Variants in FTO observed in about 807,000 individuals in gnomAD.
FTO encodes the protein alpha-ketoglutarate-dependent dioxygenase FTO.
FTO carries 47 observed loss-of-function variants against 63.9 expected under a neutral mutation model. The ratio of observed to expected loss-of-function variants is 0.74; its 90% CI spans 0.58 to 0.94. The LOEUF (loss-of-function observed/expected upper bound fraction) is 0.94, where lower values mean the gene tolerates loss of function less well. Among genes scored for constraint, FTO ranks in the 40% least tolerant of loss-of-function variants. The pLI, the probability that FTO is intolerant of heterozygous loss-of-function variation, is 0.00. For missense variants in FTO, 562 were observed against 618.1 expected (o/e 0.91, Z 0.96); for synonymous variants, 207 against 224.4 (o/e 0.92, Z 0.69).
Position 53,814,468 on chromosome 16 carries a change from C to T in FTO, c.123+4251C>T, listed in dbSNP as rs767634397. 5.9e-5 allele frequency among the ~76,000 whole-genome samples: 9 copies of T among 152,242 alleles called. 1 individual carries two copies. The highest frequency in any genetic ancestry group is 1.3e-4 in the Non-Finnish European group (9 of 68,022). Reference sequence around the variant, plus strand: ...CTATATGCTTCTGAGACAGGTGTTACTAAAACCCTATTTTAGAGATGAGGA... The same window carrying T: ...CTATATGCTTCTGAGACAGGTGTTATTAAAACCCTATTTTAGAGATGAGGA... On this transcript the variant is annotated intron_variant, in intron 2 of 8. Coordinates refer to ENST00000471389, the MANE Select transcript of FTO (RefSeq NM_001080432.3).
chr16:53,997,570 C>T (rs1328996569), intron 8 of FTO, among the ~76,000 whole-genome samples: 65 of 5,268 alleles, frequency 0.012, no homozygotes, highest in Non-Finnish European at 0.018. Flanking sequence ...AAAGAAGGGG[C>T]GGGGCGGGGT....
intron 1 of FTO, among the ~76,000 whole-genome samples, chr16:53,782,042 G>C (rs981746750): frequency 1.3e-5 from 2 of 152,078 alleles, no homozygotes; most frequent in African/African-American, 4.8e-5. Context: ...TTGAGAATCT[G>C]ATGACAGTTA....
chr16:53,907,674 C>T (rs999309391), intron 7 of FTO, among the ~76,000 whole-genome samples: 13 of 152,196 alleles, frequency 8.5e-5, no homozygotes, highest in African/African-American at 2.2e-4. Flanking sequence ...CCTTCACTCC[C>T]TGTATTCCTA....
intron 8 of FTO, among the ~76,000 whole-genome samples, chr16:53,935,014 A>G (rs944405114): frequency 5.9e-5 from 9 of 152,222 alleles, no homozygotes; most frequent in Non-Finnish European, 1.0e-4. Flanking sequence ...TGATGCTTGC[A>G]TAGTAAATAT....
intron 1 of FTO, among the ~76,000 whole-genome samples, chr16:53,768,879 C>T (rs1195033477): frequency 6.6e-6 from 1 of 152,150 alleles, no homozygotes; most frequent in East Asian, 1.9e-4. Flanking sequence ...TGGCTACCAC[C>T]AGTACATGAC....
At chr16:53,972,770 A>C (rs1286148425) in intron 8 of FTO, among the ~76,000 whole-genome samples, 1 of 152,172 alleles carries the variant, frequency 6.6e-6, no homozygotes, top group Non-Finnish European at 1.5e-5. Flanking sequence ...CTTAGGAAGA[A>C]AATGCAAACT....
chr16:53,717,654 T>G (rs1241062911), intron 1 of FTO, among the ~76,000 whole-genome samples: 1 of 152,112 alleles, frequency 6.6e-6, no homozygotes, highest in African/African-American at 2.4e-5. Flanking sequence ...AGATTAACAG[T>G]CATGCATTCT....
intron 8 of FTO, among the ~76,000 whole-genome samples, chr16:53,997,999 C>A (rs1390810264): frequency 6.6e-6 from 1 of 152,126 alleles, no homozygotes; most frequent in African/African-American, 2.4e-5. Context: ...CAAGATGGGG[C>A]CACTGTCTAG....
At chr16:54,103,104 G>A (rs2086673428) in intron 8 of FTO, among the ~76,000 whole-genome samples, 2 of 152,184 alleles carry the variant, frequency 1.3e-5, no homozygotes, top group South Asian at 4.1e-4. Flanking sequence ...AGCTATGACT[G>A]TGCCACTGTG....
intron 8 of FTO, chr16:53,993,325 T>G (rs563828683): frequency 1.3e-5 from 2 of 152,380 alleles, no homozygotes; most frequent in East Asian, 3.9e-4. Flanking sequence ...GTGGCCATAC[T>G]TTTTAATTCT....
chr16:53,869,393 C>T (rs780018408), intron 4 of FTO, among the ~76,000 whole-genome samples: 5 of 151,858 alleles, frequency 3.3e-5, no homozygotes, highest in South Asian at 2.1e-4. Flanking sequence ...CTGAGCTTCC[C>T]GAGTCTCTAG....
intron 8 of FTO, among the ~76,000 whole-genome samples, chr16:54,006,226 T>C (rs2084201065): frequency 6.6e-6 from 1 of 152,344 alleles, no homozygotes; most frequent in Admixed American, 6.5e-5. Flanking sequence ...ATCATCTCCC[T>C]TCTCCCCTTA....
chr16:53,895,374 AGT>A (rs1419226333), intron 7 of FTO, among the ~76,000 whole-genome samples: 9 of 152,304 alleles, frequency 5.9e-5, no homozygotes, highest in African/African-American at 2.2e-4. Context: ...TCAAAAACAC[AGT>A]GTGCTTCGAA....
rs540014418 is a variant in FTO, at chr16:53,988,241, A to G, written c.1364+54132A>G. On this transcript the variant is annotated intron_variant, in intron 8 of 8. Coordinates refer to ENST00000471389, the MANE Select transcript of FTO (RefSeq NM_001080432.3). ...GCATCAATAAAAATATTTTCATATA[A>G]TTCTTCCTTGTAAATATGGTTAAAC... Among the ~76,000 whole-genome samples, 27 of 152,272 alleles carry G rather than the reference A, an allele frequency of 1.8e-4. No individual in the cohort carries two copies. The South Asian group carries it at 5.6e-3, about 32-fold the overall frequency.
intron 8 of FTO, among the ~76,000 whole-genome samples, chr16:54,019,483 G>T (rs1371599122): frequency 6.6e-6 from 1 of 152,178 alleles, no homozygotes; most frequent in Non-Finnish European, 1.5e-5. Flanking sequence ...ATATGCAAAA[G>T]TTGTTGGCAT....
chr16:54,109,455 C>A (rs1316561920), intron 8 of FTO, among the ~76,000 whole-genome samples: 1 of 152,202 alleles, frequency 6.6e-6, no homozygotes, highest in Non-Finnish European at 1.5e-5. Flanking sequence ...CTCAGCCTCC[C>A]AAGTAGCTGG....
intron 6 of FTO, among the ~76,000 whole-genome samples, chr16:53,880,603 A>G (rs2080796085): frequency 6.6e-6 from 1 of 152,134 alleles, no homozygotes; most frequent in African/African-American, 2.4e-5. Context: ...TCAAGATTTG[A>G]TGTCTGCTGA....
At chr16:54,020,078 T>C (rs1169314410) in intron 8 of FTO, among the ~76,000 whole-genome samples, 1 of 152,102 alleles carries the variant, frequency 6.6e-6, no homozygotes, top group East Asian at 1.9e-4. Context: ...CATTTTAGAG[T>C]AAAATAATAA....
intron 1 of FTO, among the ~76,000 whole-genome samples, chr16:53,789,866 A>G (rs550701072): frequency 1.3e-4 from 2 of 15,590 alleles, no homozygotes; most frequent in Admixed American, 3.6e-4. Context: ...AAATGTATGT[A>G]TATATATACA....
Sources: gnomAD v4.1 joint callset for allele counts (sites outside exome capture counted in the v4.1 genomes callset) on GRCh38, gnomAD v4.1.1 for gene constraint, MANE v1.5 for transcripts, NCBI Gene and HGNC (gene_info 2026-07-23, HGNC 2026-07-21) for gene names.